CYP27C1: variants seen among roughly 807,000 people sequenced by gnomAD.
The protein encoded by CYP27C1 is cytochrome P450 family 27 subfamily C member 1.
Under a neutral mutation model 40.6 loss-of-function variants are expected in CYP27C1, and 29 were observed. That is an observed-to-expected ratio of 0.71 (90% CI 0.53 to 0.97). CYP27C1 has a LOEUF of 0.97. Among genes scored for constraint, CYP27C1 ranks in the 50% least tolerant of loss-of-function variants. The pLI is 0.00. For synonymous variants in CYP27C1, 198 were observed against 186.8 expected, an observed-to-expected ratio of 1.06 and a Z score of -0.49; for missense variants, 390 against 485.8, an observed-to-expected ratio of 0.80 and a Z score of 1.85.
At chr2:127,188,452 G>A (rs1231571580) in intron 8 of CYP27C1, among the ~76,000 whole-genome samples, 1 of 152,114 alleles carries the variant, frequency 6.6e-6, no homozygotes, top group Non-Finnish European at 1.5e-5. Context: ...TGCCCAGGCT[G>A]CTCCTGAACT....
At chr2:127,214,162 G>T (rs12463909) in intron 1 of CYP27C1, among the ~76,000 whole-genome samples, 1 of 151,962 alleles carries the variant, frequency 6.6e-6, no homozygotes, top group Non-Finnish European at 1.5e-5. Context: ...TTACTAAAAA[G>T]TCAGGAATAG....
In CYP27C1 at chr2:127,187,202, G is replaced by C. The variant is rs538776561; in HGVS notation, c.*69C>G. ...TCGCTTTCCTTCTCCACGGTGATCA[G>C]CGAACACAAATACCCACTGTGTGTC... is the stretch of plus-strand genomic sequence containing the variant. On this transcript the variant is annotated 3_prime_UTR_variant, in exon 9 of 9. Coordinates refer to ENST00000664447, the MANE Select transcript of CYP27C1 (RefSeq NM_001367502.1). 1 of 1,184,522 alleles carries C rather than the reference G, an allele frequency of 8.4e-7. No individual in the cohort carries two copies. The highest frequency in any genetic ancestry group is 2.5e-5 in the East Asian group (1 of 40,714). 73.4% of individuals were successfully genotyped at this position (1,184,522 alleles called of 1,614,324 possible).
rs1291605740 is a variant in CYP27C1, at chr2:127,190,872, G to A, written c.1497+2222C>T. Among the ~76,000 whole-genome samples the A allele has an allele frequency of 1.5e-4, 21 of 141,482 alleles. 1 individual carries two copies. The highest frequency in any genetic ancestry group is 4.5e-4 in the African/African-American group (17 of 37,984). 92.8% of individuals were successfully genotyped at this position (141,482 alleles called of 152,430 possible). A position where few individuals can be genotyped will look rare whatever the true frequency, so the allele number is the denominator to read the frequency against. On this transcript the variant is annotated intron_variant, in intron 8 of 8. Transcript: ENST00000664447. ...TGAGGCAGGAGAATCGCTTGAACCC[G>A]GGAGACAGAGTTGCAGCGACCCGAG...
rs377029875 is a variant in CYP27C1, at chr2:127,203,356, G to A, written c.673+16C>T. On this transcript the variant is annotated intron_variant, in intron 3 of 8. Coordinates refer to ENST00000664447, the MANE Select transcript of CYP27C1 (RefSeq NM_001367502.1). ...ATCCATTCTTCCCTCCTTCCCACCT[G>A]CTGATTCCACCTCACCTTCCATTGA... 4.4e-6 allele frequency: 7 copies of A among 1,608,912 alleles called. No individual in the cohort carries two copies. Among genetic ancestry groups the A allele is most frequent in the African/African-American group, 2.7e-5 (2 of 74,504 alleles).
Position 127,195,432 on chromosome 2 carries a change from G to A in CYP27C1, c.1117C>T (p.Arg373Trp), listed in dbSNP as rs142496522. The change falls in exon 6 of 9, where the codon CGG becomes TGG. Residue 373 changes from arginine to tryptophan, a missense_variant. Arg to Trp is a moderately radical substitution (Grantham distance 101). Transcript: ENST00000664447. The surrounding 1 kb of genome is among the most constrained non-coding windows in gnomAD (Gnocchi z 6.2). ...TCCCCTAAATTCTTCACAATCTCCC[G>A]GTACACCGTCTGCTGCACTTCTGGG... ...RHPEVQQTVY[R>W]EIVKNLGERH... is the part of the protein sequence containing the mutation. 5.5e-5 allele frequency: 89 copies of A among 1,614,022 alleles called. No individual in the cohort carries two copies. The highest frequency in any genetic ancestry group is 3.2e-4 in the South Asian group (29 of 91,066).
chr2:127,216,345 A>C lies in CYP27C1; in HGVS notation c.282+3644T>G, dbSNP rs115978457. ...AAAATGTGGTATAGTCATACGCTGCAATATTATTTGTCCATAAAAAGAATG... is the reference window on the plus strand; with the variant it reads ...AAAATGTGGTATAGTCATACGCTGCCATATTATTTGTCCATAAAAAGAATG... On this transcript the variant is annotated intron_variant, in intron 1 of 8. Transcript: ENST00000664447. Among the ~76,000 whole-genome samples, 1,337 of 152,380 alleles carry C rather than the reference A, an allele frequency of 8.8e-3. 7 individuals are homozygous for C. The highest frequency in any genetic ancestry group is 0.012 in the Non-Finnish European group (821 of 68,048).
intron 7 of CYP27C1, 145 bp from the exon 8 acceptor site, chr2:127,193,442 G>A (rs772433553): frequency 1.1e-4 from 97 of 869,722 alleles, no homozygotes; most frequent in Non-Finnish European, 1.3e-4. Flanking sequence ...GATGGCAGCC[G>A]CTCCCCCCTT....
At position 127,218,622 on chromosome 2, in the gene CYP27C1, T is replaced by C. The variant is rs1176534709; in HGVS notation, c.282+1367A>G. Among the ~76,000 whole-genome samples the C allele has an allele frequency of 1.3e-5, 2 of 152,188 alleles. No individual in the cohort carries two copies. The highest frequency in any genetic ancestry group is 2.9e-5 in the Non-Finnish European group (2 of 68,034). On this transcript the variant is annotated intron_variant, in intron 1 of 8. Transcript: ENST00000664447. This position sits in a 1 kb window ranked among gnomAD's most constrained non-coding sequence, Gnocchi z 6.0. ...TTCCATTAATGAGGGTTGGGGCTTC[T>C]CCCTCACGTTCATTGACTGAATGGC...
In CYP27C1 at chr2:127,218,868, G is replaced by T. The variant is rs1156612742; in HGVS notation, c.282+1121C>A. Among the ~76,000 whole-genome samples the T allele has an allele frequency of 2.0e-5, 3 of 152,208 alleles. No homozygotes were observed. Among genetic ancestry groups the T allele is most frequent in the African/African-American group, 7.2e-5 (3 of 41,456 alleles). On this transcript the variant is annotated intron_variant, in intron 1 of 8. Transcript: ENST00000664447. The surrounding 1 kb of genome is among the most constrained non-coding windows in gnomAD (Gnocchi z 6.0). ...ACGATGGGCGAAGGCATCGGAGGGC[G>T]CCGCCGCGGCTCGGGTGCAGTGCCC... is the stretch of plus-strand genomic sequence containing the variant.
intron 5 of CYP27C1, among the ~76,000 whole-genome samples, chr2:127,198,053 C>T (rs1173591332): frequency 2.0e-5 from 3 of 152,108 alleles, no homozygotes; most frequent in African/African-American, 7.2e-5. Flanking sequence ...TCTTCCTTTC[C>T]CATCGGATAG....
At position 127,195,258 on chromosome 2, in the gene CYP27C1, T is replaced by G; in HGVS notation, c.1214+77A>C. 1.3e-6 allele frequency: 2 copies of G among 1,578,836 alleles called. No homozygotes were observed. The highest frequency in any genetic ancestry group is 8.7e-7 in the Non-Finnish European group (1 of 1,155,080). ...CCTGAACAGGTCAGCCGGGGGGGCA[T>G]TTGGAGGACTTGTTGTGATAGAGAA... On this transcript the variant is annotated intron_variant, in intron 6 of 8. Coordinates refer to ENST00000664447, the MANE Select transcript of CYP27C1 (RefSeq NM_001367502.1). This position sits in a 1 kb window ranked among gnomAD's most constrained non-coding sequence, Gnocchi z 6.2.
chr2:127,214,793 T>G (rs11693197), intron 1 of CYP27C1, among the ~76,000 whole-genome samples: 2 of 139,606 alleles, frequency 1.4e-5, no homozygotes, highest in African/African-American at 5.0e-5. Flanking sequence ...TTTTTTTTTT[T>G]TTTTTTGGTT....
In CYP27C1 at chr2:127,219,540, G is replaced by A. The variant is rs1683506634; in HGVS notation, c.282+449C>T. On this transcript the variant is annotated intron_variant, in intron 1 of 8. Coordinates refer to ENST00000664447, the MANE Select transcript of CYP27C1 (RefSeq NM_001367502.1). The surrounding 1 kb of genome is among the most constrained non-coding windows in gnomAD (Gnocchi z 8.7). ...AACTCCATCCCTGACTCCCCTCCCCGCTACCTCCTCCCCAGGGGTCCCGGC... is the reference window on the plus strand; with the variant it reads ...AACTCCATCCCTGACTCCCCTCCCCACTACCTCCTCCCCAGGGGTCCCGGC... 1.4e-5 allele frequency among the ~76,000 whole-genome samples: 2 copies of A among 147,004 alleles called. No individual in the cohort carries two copies. The highest frequency in any genetic ancestry group is 3.0e-5 in the Non-Finnish European group (2 of 66,312).
intron 1 of CYP27C1, among the ~76,000 whole-genome samples, chr2:127,210,220 T>A (rs1045131402): frequency 2.2e-4 from 33 of 151,900 alleles, no homozygotes; most frequent in Non-Finnish European, 4.7e-4. Context: ...TTCAACATAG[T>A]TAAAGAATTT....
chr2:127,187,828 C>T (rs919708371), intron 8 of CYP27C1, among the ~76,000 whole-genome samples: 1 of 152,148 alleles, frequency 6.6e-6, no homozygotes, highest in Non-Finnish European at 1.5e-5. Context: ...GAAACAGAGG[C>T]GGAGAGAGCT....
At chr2:127,199,309 C>T (rs1490596277) in intron 5 of CYP27C1, 67 bp downstream of exon 5, 10 of 1,556,146 alleles carry the variant, frequency 6.4e-6, no homozygotes, top group Middle Eastern at 2.2e-4. Flanking sequence ...AAGTAGACAA[C>T]GTCCATGAGG....
intron 7 of CYP27C1, 85 bp from the exon 8 acceptor site, chr2:127,193,382 T>A: frequency 6.5e-7 from 1 of 1,543,292 alleles, no homozygotes; most frequent in Non-Finnish European, 8.9e-7. Flanking sequence ...AGCCGGACAG[T>A]CTCCCGGGGT....
Position 127,209,258 on chromosome 2 carries a change from A to C in CYP27C1, c.283-3168T>G, listed in dbSNP as rs916808381. Among the ~76,000 whole-genome samples the C allele has an allele frequency of 6.6e-6, 1 of 152,194 alleles. No individual in the cohort carries two copies. Among genetic ancestry groups the C allele is most frequent in the Non-Finnish European group, 1.5e-5 (1 of 68,034 alleles). ...ACCCCCAGCAAACTGCAGCAGCCCTACAGAAGAGGGATTGACTATTGAAAG... is the reference window on the plus strand; with the variant it reads ...ACCCCCAGCAAACTGCAGCAGCCCTCCAGAAGAGGGATTGACTATTGAAAG... On this transcript the variant is annotated intron_variant, in intron 1 of 8. Coordinates refer to ENST00000664447, the MANE Select transcript of CYP27C1 (RefSeq NM_001367502.1). The surrounding 1 kb of genome is among the most constrained non-coding windows in gnomAD (Gnocchi z 4.1).
In CYP27C1 at chr2:127,187,216, C is replaced by A; in HGVS notation, c.*55G>T. 1.4e-6 allele frequency: 2 copies of A among 1,395,988 alleles called. No individual in the cohort carries two copies. Among genetic ancestry groups the A allele is most frequent in the Non-Finnish European group, 2.0e-6 (2 of 983,264 alleles). The allele number at this position is 1,395,988 out of a possible 1,614,324, so 86.5% of individuals were successfully genotyped here. A position where few individuals can be genotyped will look rare whatever the true frequency, so the allele number is the denominator to read the frequency against. On this transcript the variant is annotated 3_prime_UTR_variant, in exon 9 of 9. Coordinates refer to ENST00000664447, the MANE Select transcript of CYP27C1 (RefSeq NM_001367502.1). ...CACGGTGATCAGCGAACACAAATAC[C>A]CACTGTGTGTCGGCGAGCTGGTCTG...
Sources: allele counts gnomAD v4.1 joint callset (sites outside exome capture counted in the v4.1 genomes callset), GRCh38; gene constraint gnomAD v4.1.1; non-coding constraint Gnocchi (gnomAD v3.1); transcripts MANE v1.5; gene names NCBI Gene and HGNC (gene_info 2026-07-23, HGNC 2026-07-21).